Variants in TMTC2 observed in about 807,000 individuals in gnomAD.
TMTC2 encodes protein O-mannosyl-transferase TMTC2.
TMTC2 carries 43 observed loss-of-function variants against 82.4 expected under a neutral mutation model. The ratio of observed to expected loss-of-function variants is 0.52; its 90% confidence interval spans 0.41 to 0.67. The LOEUF (loss-of-function observed/expected upper bound fraction) is 0.67. Ranked by LOEUF, TMTC2 falls within the 30% of genes least tolerant of loss-of-function variation. The probability of loss-of-function intolerance (pLI) is 0.00; values close to 1 mark genes in which losing one functional copy is unlikely to be tolerated. For missense variants in TMTC2, 919 were observed against 1,012.4 expected, an observed-to-expected ratio of 0.91 and a Z score of 1.25; for synonymous variants, 408 against 381.9, an observed-to-expected ratio of 1.07 and a Z score of -0.80.
At chr12:82,725,577 CAA>C in intron 1 of TMTC2, among the ~76,000 whole-genome samples, 1 of 152,020 alleles carries the variant, frequency 6.6e-6, no homozygotes, top group Non-Finnish European at 1.5e-5. Context: ...TATTCTGAGC[CAA>C]ATATGAGTGA....
intron 7 of TMTC2, among the ~76,000 whole-genome samples, chr12:82,969,224 C>T (rs1187890963): frequency 2.0e-5 from 3 of 152,100 alleles, no homozygotes; most frequent in Admixed American, 2.0e-4. Flanking sequence ...TATCAACAGC[C>T]TTGAATGTGT....
intron 4 of TMTC2, among the ~76,000 whole-genome samples, chr12:82,935,738 A>G (rs1030757381): frequency 1.1e-4 from 17 of 152,306 alleles, no homozygotes; most frequent in African/African-American, 3.8e-4. Context: ...TTAACATGCT[A>G]TAATCAATTC....
In TMTC2 at chr12:83,107,942, T is replaced by A. The variant is rs1028922528; in HGVS notation, c.2332-24268T>A. 1.6e-4 allele frequency among the ~76,000 whole-genome samples: 24 copies of A among 151,264 alleles called. 1 individual carries two copies. The highest frequency in any genetic ancestry group is 5.6e-4 in the African/African-American group (23 of 41,304). ...AGGTGACTGAATCAAGGGGATGGATTTCCCCCCTTGCTGTTCCTGTGATAG... is the reference window on the plus strand; with the variant it reads ...AGGTGACTGAATCAAGGGGATGGATATCCCCCCTTGCTGTTCCTGTGATAG... On this transcript the variant is annotated intron_variant, in intron 11 of 11. Coordinates refer to ENST00000321196, the MANE Select transcript of TMTC2 (RefSeq NM_152588.3).
chr12:82,801,372 C>G (rs1878989214), intron 1 of TMTC2, among the ~76,000 whole-genome samples: 1 of 152,070 alleles, frequency 6.6e-6, no homozygotes, highest in Admixed American at 6.5e-5. Context: ...GAGTGAGCAG[C>G]AGCAAGATTT....
intron 4 of TMTC2, 60 bp from the exon 5 acceptor site, chr12:82,964,964 T>G: frequency 8.7e-7 from 1 of 1,144,652 alleles, no homozygotes. Context: ...AAAATAAAAA[T>G]TTGTGGTTTT....
chr12:83,075,436 A>G (rs76408760), intron 11 of TMTC2, among the ~76,000 whole-genome samples: 4,672 of 152,226 alleles, frequency 0.031, 250 homozygotes, highest in East Asian at 0.25. Flanking sequence ...TTAGCAAATG[A>G]TGTGAGGTAA....
intron 3 of TMTC2, among the ~76,000 whole-genome samples, chr12:82,904,586 T>C (rs148489514): frequency 2.0e-5 from 3 of 152,332 alleles, no homozygotes; most frequent in Non-Finnish European, 4.4e-5. Flanking sequence ...AGTTTGCTGA[T>C]TTCACAATGA....
intron 1 of TMTC2, among the ~76,000 whole-genome samples, chr12:82,696,928 GC>G (rs1163987514): frequency 3.4e-5 from 5 of 146,118 alleles, no homozygotes; most frequent in Non-Finnish European, 6.0e-5. Flanking sequence ...TGCTGAGATG[GC>G]TTCTTGCCAG....
intron 11 of TMTC2, among the ~76,000 whole-genome samples, chr12:83,110,994 C>T (rs575099127): frequency 6.6e-6 from 1 of 152,238 alleles, no homozygotes; most frequent in Admixed American, 6.5e-5. Context: ...CACACCTTCC[C>T]TTCCCATGGT....
At chr12:82,804,304 A>C (rs539236600) in intron 1 of TMTC2, among the ~76,000 whole-genome samples, 7 of 152,254 alleles carry the variant, frequency 4.6e-5, no homozygotes, top group African/African-American at 1.7e-4. Context: ...CCTAGATCAA[A>C]GTAAATGGAG....
At chr12:83,040,197 C>T (rs1184976891) in intron 9 of TMTC2, among the ~76,000 whole-genome samples, 1 of 152,154 alleles carries the variant, frequency 6.6e-6, no homozygotes, top group Non-Finnish European at 1.5e-5. Flanking sequence ...AGTAAGTTGG[C>T]AGAGCAAGAA....
At chr12:82,745,689 C>T (rs1045471738) in intron 1 of TMTC2, among the ~76,000 whole-genome samples, 9 of 152,176 alleles carry the variant, frequency 5.9e-5, no homozygotes, top group South Asian at 2.1e-4. Context: ...GCAGGTGTCA[C>T]ATCAGCCTGC....
chr12:83,071,185 C>T (rs1273758959), intron 11 of TMTC2, among the ~76,000 whole-genome samples: 1 of 138,566 alleles, frequency 7.2e-6, no homozygotes, highest in African/African-American at 2.7e-5. Flanking sequence ...GACGGAGTCT[C>T]GCTCTGTCGC....
At chr12:83,107,080 G>A (rs1027165815) in intron 11 of TMTC2, among the ~76,000 whole-genome samples, 4 of 152,352 alleles carry the variant, frequency 2.6e-5, no homozygotes, top group Admixed American at 2.6e-4. Flanking sequence ...CAGAAATACA[G>A]TGTTCATGTA....
intron 2 of TMTC2, 97 bp from the exon 3 acceptor site, chr12:82,895,721 C>T (rs574523547): frequency 1.4e-5 from 15 of 1,091,852 alleles, no homozygotes; most frequent in Middle Eastern, 2.6e-4. Flanking sequence ...GTGTTTTTAA[C>T]GGTCCATTTA....
At chr12:82,756,632 G>A (rs571199764) in intron 1 of TMTC2, among the ~76,000 whole-genome samples, 3 of 152,304 alleles carry the variant, frequency 2.0e-5, no homozygotes, top group African/African-American at 7.2e-5. Flanking sequence ...TAGAGAACCT[G>A]GAGAGAGTTA....
At chr12:82,944,007 G>A (rs780563443) in intron 4 of TMTC2, among the ~76,000 whole-genome samples, 1 of 152,148 alleles carries the variant, frequency 6.6e-6, no homozygotes, top group Non-Finnish European at 1.5e-5. Context: ...GAAAAGAATA[G>A]AGGAGTCATA....
At chr12:83,077,546 AT>A (rs143876065) in intron 11 of TMTC2, among the ~76,000 whole-genome samples, 1,871 of 151,170 alleles carry the variant, frequency 0.012, 49 homozygotes, top group African/African-American at 0.043. Context: ...TTATTACCTA[AT>A]TTTTTTTTAC....
chr12:82,728,757 G>C (rs1305782539), intron 1 of TMTC2, among the ~76,000 whole-genome samples: 1 of 152,228 alleles, frequency 6.6e-6, no homozygotes, highest in Non-Finnish European at 1.5e-5. Context: ...CTCAGCTTGC[G>C]GGGAGGTGTG....
Sources: gnomAD v4.1 joint callset for allele counts (sites outside exome capture counted in the v4.1 genomes callset) on GRCh38, gnomAD v4.1.1 for gene constraint, MANE v1.5 for transcripts, NCBI Gene and HGNC (gene_info 2026-07-23, HGNC 2026-07-21) for gene names.